Variants in CDH4 observed in about 807,000 individuals in gnomAD.
CDH4 encodes the protein cadherin-4.
CDH4 carries 33 observed loss-of-function variants against 86.0 expected under a neutral mutation model. That is an observed-to-expected ratio of 0.38 (90% confidence interval 0.29 to 0.51). The LOEUF (loss-of-function observed/expected upper bound fraction) is 0.51. CDH4 is among the 20% of genes least tolerant of loss of function. The pLI is 0.86. For synonymous variants in CDH4, 555 were observed against 549.4 expected (o/e 1.01, Z -0.14); for missense variants, 1,114 against 1,307.4 (o/e 0.85, Z 2.28).
At chr20:61,915,138 A>T (rs1267002272) in intron 9 of CDH4, among the ~76,000 whole-genome samples, 1 of 152,234 alleles carries the variant, frequency 6.6e-6, no homozygotes, top group Non-Finnish European at 1.5e-5. Flanking sequence ...GCCCACACAC[A>T]GGATCACACA....
At chr20:61,585,652 A>T (rs550520285) in intron 2 of CDH4, among the ~76,000 whole-genome samples, 18 of 150,422 alleles carry the variant, frequency 1.2e-4, no homozygotes, top group African/African-American at 4.4e-4. Context: ...GATGATGGTG[A>T]TGGTGATGGT....
At chr20:61,537,149 G>T (rs532349008) in intron 2 of CDH4, among the ~76,000 whole-genome samples, 3 of 152,308 alleles carry the variant, frequency 2.0e-5, no homozygotes, top group African/African-American at 7.2e-5. Context: ...CTACATCATT[G>T]CTTTTGACTG....
At chr20:61,862,922 A>T (rs746459980) in intron 6 of CDH4, among the ~76,000 whole-genome samples, 8 of 152,104 alleles carry the variant, frequency 5.3e-5, no homozygotes, top group Admixed American at 2.6e-4. Flanking sequence ...TAAACAGATT[A>T]TTCTATTAGT....
chr20:61,746,832 C>T (rs1173269161), intron 3 of CDH4, among the ~76,000 whole-genome samples: 5 of 152,192 alleles, frequency 3.3e-5, no homozygotes, highest in African/African-American at 9.7e-5. Context: ...CAGTGCTGGG[C>T]CTTGCCAGGT....
At position 61,634,958 on chromosome 20, in the gene CDH4, G is replaced by A. The variant is rs192902425; in HGVS notation, c.170-108605G>A. Among the ~76,000 whole-genome samples the A allele has an allele frequency of 1.4e-3, 214 of 152,304 alleles. 1 individual carries two copies. The highest frequency in any genetic ancestry group is 3.3e-3 in the South Asian group (16 of 4,826). ...ACTTAGCATGATAATGTTCCGAAGCGTGTGTCGGAATTGCCTTCCTTTGTA... is the reference window on the plus strand; with the variant it reads ...ACTTAGCATGATAATGTTCCGAAGCATGTGTCGGAATTGCCTTCCTTTGTA... On this transcript the variant is annotated intron_variant, in intron 2 of 15. Coordinates refer to ENST00000614565, the MANE Select transcript of CDH4 (RefSeq NM_001794.5).
At chr20:61,460,662 T>G (rs1226336749) in intron 2 of CDH4, among the ~76,000 whole-genome samples, 1 of 151,982 alleles carries the variant, frequency 6.6e-6, no homozygotes, top group East Asian at 1.9e-4. Flanking sequence ...GGAGGAAACA[T>G]GTTGAGTGGG....
intron 4 of CDH4, among the ~76,000 whole-genome samples, chr20:61,791,440 A>G (rs1158079803): frequency 2.0e-5 from 3 of 152,264 alleles, no homozygotes; most frequent in Admixed American, 2.0e-4. Context: ...AGGAAAGTCC[A>G]TCTTAGGCCG....
chr20:61,855,854 G>A (rs1466135727), intron 6 of CDH4, among the ~76,000 whole-genome samples: 3 of 152,176 alleles, frequency 2.0e-5, no homozygotes, highest in Non-Finnish European at 2.9e-5. Flanking sequence ...GCTTTTCCAG[G>A]ACTATGTTGA....
chr20:61,428,988 G>A (rs1465168788), intron 2 of CDH4, among the ~76,000 whole-genome samples: 1 of 151,346 alleles, frequency 6.6e-6, no homozygotes, highest in East Asian at 1.9e-4. Flanking sequence ...GTTTGCCTTA[G>A]TTATCTAACT....
At chr20:61,773,470 G>T (rs2088802693) in intron 4 of CDH4, among the ~76,000 whole-genome samples, 1 of 152,146 alleles carries the variant, frequency 6.6e-6, no homozygotes, top group Non-Finnish European at 1.5e-5. Context: ...GTGGGTCGTG[G>T]CCTTTGACCT....
chr20:61,404,510 TA>T (rs2085069021), intron 2 of CDH4, among the ~76,000 whole-genome samples: 1 of 152,036 alleles, frequency 6.6e-6, no homozygotes, highest in South Asian at 2.1e-4. Context: ...CTTCGAGACT[TA>T]ATTGTGGTTA....
At chr20:61,838,837 AAG>A (rs1555846224) in intron 4 of CDH4, among the ~76,000 whole-genome samples, 8 of 122,702 alleles carry the variant, frequency 6.5e-5, no homozygotes, top group East Asian at 5.3e-4. Flanking sequence ...AAAAAAAAAA[AAG>A]AAAGAAAGAA....
At position 61,829,487 on chromosome 20, in the gene CDH4, T is replaced by C. The variant is rs538561882; in HGVS notation, c.577-15181T>C. On this transcript the variant is annotated intron_variant, in intron 4 of 15. Transcript: ENST00000614565. The surrounding 1 kb of genome is among the most constrained non-coding windows in gnomAD (Gnocchi z 4.2). Reference sequence around the variant, plus strand: ...GTGTGCAAGGCTTTCTGTGGACAGATGTTGATTCTTAGGGTGTCTGCCCAG... The same window carrying C: ...GTGTGCAAGGCTTTCTGTGGACAGACGTTGATTCTTAGGGTGTCTGCCCAG... 6.6e-6 allele frequency among the ~76,000 whole-genome samples: 1 copy of C among 152,232 alleles called. No homozygotes were observed. Among genetic ancestry groups the C allele is most frequent in the South Asian group, 2.1e-4 (1 of 4,818 alleles).
intron 2 of CDH4, among the ~76,000 whole-genome samples, chr20:61,325,660 C>G (rs996671711): frequency 1.3e-5 from 2 of 151,854 alleles, no homozygotes; most frequent in Admixed American, 6.6e-5. Flanking sequence ...CTTGGGGGGG[C>G]CACAGCAAAG....
At chr20:61,614,164 T>G (rs1209886454) in intron 2 of CDH4, among the ~76,000 whole-genome samples, 2 of 152,032 alleles carry the variant, frequency 1.3e-5, no homozygotes, top group Non-Finnish European at 2.9e-5. Context: ...GCTAATGAAG[T>G]GACTTAGGGT....
At chr20:61,383,245 AT>A (rs1234360392) in intron 2 of CDH4, among the ~76,000 whole-genome samples, 1 of 84,722 alleles carries the variant, frequency 1.2e-5, no homozygotes, top group Admixed American at 1.2e-4. Flanking sequence ...AATATATATG[AT>A]TATATATGAA....
At chr20:61,702,753 A>G (rs912760158) in intron 2 of CDH4, among the ~76,000 whole-genome samples, 1 of 152,244 alleles carries the variant, frequency 6.6e-6, no homozygotes, top group African/African-American at 2.4e-5. Flanking sequence ...TAGAAAAAGC[A>G]CAGGGCATTT....
intron 2 of CDH4, among the ~76,000 whole-genome samples, chr20:61,548,650 C>T (rs747454572): frequency 1.3e-5 from 2 of 152,098 alleles, no homozygotes. Context: ...TAAATTGCCT[C>T]TAAAAGCACC....
In CDH4 at chr20:61,873,754, A is replaced by G. The variant is rs1880444132; in HGVS notation, c.904A>G (p.Asn302Asp). Residue 302 changes from asparagine (N) to aspartate (D), a missense_variant, in exon 7 of 16, where the codon AAC becomes GAC. By Grantham distance (23) the Asn-to-Asp change is conservative. Around this residue, in one of 3 missense-constraint regions of CDH4, gnomAD observed 705 missense variants for 914.1 expected, o/e 0.77. Transcript: ENST00000614565. ...CACCTACGTGATGACCGTCACGGCC[A>G]ACGATGCTGACGACAGCACCACGGC... ...PGTYVMTVTA[N>D]DADDSTTANG... 6.2e-7 allele frequency: 1 copy of G among 1,613,772 alleles called. No individual in the cohort carries two copies. The highest frequency in any genetic ancestry group is 8.5e-7 in the Non-Finnish European group (1 of 1,180,026).
Sources: allele counts gnomAD v4.1 joint callset (sites outside exome capture counted in the v4.1 genomes callset), GRCh38; gene constraint gnomAD v4.1.1; regional missense constraint gnomAD v4.1.1; non-coding constraint Gnocchi (gnomAD v3.1); transcripts MANE v1.5; gene names NCBI Gene and HGNC (gene_info 2026-07-23, HGNC 2026-07-21).